The following GULP1 variants were observed in gnomAD, a reference collection of about 807,000 sequenced individuals.
The protein encoded by GULP1 is PTB domain-containing engulfment adapter protein 1.
Under a neutral mutation model 40.9 loss-of-function variants are expected in GULP1, and 19 were observed. The observed-to-expected ratio is 0.46, with a 90% confidence interval of 0.32 to 0.68. The LOEUF is 0.68. Ranked by LOEUF, GULP1 falls within the 30% of genes least tolerant of loss-of-function variation. The probability of loss-of-function intolerance (pLI) is 0.03; values close to 1 mark genes in which losing one functional copy is unlikely to be tolerated. For synonymous variants in GULP1, 119 were observed against 117.6 expected, an observed-to-expected ratio of 1.01 and a Z score of -0.08; for missense variants, 312 against 362.2, an observed-to-expected ratio of 0.86 and a Z score of 1.12.
intron 4 of GULP1, among the ~76,000 whole-genome samples, chr2:188,485,502 G>C (rs2061787326): frequency 6.6e-6 from 1 of 151,740 alleles, no homozygotes; most frequent in Non-Finnish European, 1.5e-5. Flanking sequence ...CACTTATTAG[G>C]ATGACCTCAT....
intron 4 of GULP1, among the ~76,000 whole-genome samples, chr2:188,515,915 G>A (rs2065125737): frequency 6.6e-6 from 1 of 152,040 alleles, no homozygotes; most frequent in Admixed American, 6.6e-5. Context: ...AATAATCTAT[G>A]TCCATTTAAA....
At chr2:188,555,983 G>A (rs1465910079) in intron 7 of GULP1, among the ~76,000 whole-genome samples, 8 of 151,642 alleles carry the variant, frequency 5.3e-5, no homozygotes, top group South Asian at 4.1e-4. Flanking sequence ...GCTTGAACCC[G>A]GGAGACAGAG....
intron 2 of GULP1, among the ~76,000 whole-genome samples, chr2:188,460,012 T>G (rs933797846): frequency 1.4e-4 from 21 of 152,322 alleles, no homozygotes; most frequent in Admixed American, 2.6e-4. Flanking sequence ...GTGTCTGTTT[T>G]TATGACAGTA....
At chr2:188,372,409 G>A (rs540122056) in intron 1 of GULP1, among the ~76,000 whole-genome samples, 1 of 151,982 alleles carries the variant, frequency 6.6e-6, no homozygotes, top group South Asian at 2.1e-4. Context: ...AAATGTCTGC[G>A]AAAGTTTACA....
intron 2 of GULP1, among the ~76,000 whole-genome samples, chr2:188,471,173 C>G (rs1425745944): frequency 2.0e-5 from 3 of 152,090 alleles, no homozygotes; most frequent in African/African-American, 7.2e-5. Context: ...TATAGCTACT[C>G]CTACTCTTTT....
intron 1 of GULP1, among the ~76,000 whole-genome samples, chr2:188,301,802 G>C (rs769842734): frequency 1.3e-5 from 2 of 152,166 alleles, no homozygotes; most frequent in Non-Finnish European, 2.9e-5. Flanking sequence ...TGGAATACAT[G>C]CTTCTTCAAA....
At chr2:188,462,328 GT>G (rs1158641543) in intron 2 of GULP1, among the ~76,000 whole-genome samples, 6 of 152,114 alleles carry the variant, frequency 3.9e-5, no homozygotes, top group Non-Finnish European at 7.3e-5. Flanking sequence ...TTTAAAACTT[GT>G]TTTGTGACCT....
At chr2:188,431,899 T>G (rs905175196) in intron 2 of GULP1, among the ~76,000 whole-genome samples, 1 of 151,912 alleles carries the variant, frequency 6.6e-6, no homozygotes, top group African/African-American at 2.4e-5. Context: ...TTTCATTTGT[T>G]TCATAAATAA....
At chr2:188,573,206 A>G (rs1699455441) in intron 9 of GULP1, among the ~76,000 whole-genome samples, 1 of 152,194 alleles carries the variant, frequency 6.6e-6, no homozygotes. Flanking sequence ...CTATTAAAAA[A>G]CATTTTTGCC....
At chr2:188,352,618 T>TCTCACACACACACACACACACA (rs578003996) in intron 1 of GULP1, among the ~76,000 whole-genome samples, 131 of 134,494 alleles carry the variant, frequency 9.7e-4, no homozygotes, top group African/African-American at 3.2e-3. Context: ...TCTCTCTCTC[T>TCTCACACACACACACACACACA]CACACACACA....
At chr2:188,296,998 A>C (rs2035098061) in intron 1 of GULP1, among the ~76,000 whole-genome samples, 1 of 151,670 alleles carries the variant, frequency 6.6e-6, no homozygotes, top group African/African-American at 2.4e-5. Context: ...GTGCATACTT[A>C]TGATACATAT....
At chr2:188,581,729 G>C (rs1312754073) in intron 9 of GULP1, among the ~76,000 whole-genome samples, 1 of 151,980 alleles carries the variant, frequency 6.6e-6, no homozygotes, top group Non-Finnish European at 1.5e-5. Flanking sequence ...CTATAGAAAG[G>C]GCATGATGAC....
Position 188,309,978 on chromosome 2 carries a change from A to G in GULP1, c.-172+17812A>G, listed in dbSNP as rs566774429. 1.7e-3 allele frequency among the ~76,000 whole-genome samples: 257 copies of G among 152,314 alleles called. 2 individuals are homozygous for G. The highest frequency in any genetic ancestry group is 5.0e-3 in the Admixed American group (76 of 15,292). On this transcript the variant is annotated intron_variant, in intron 1 of 11. Transcript: ENST00000409830. ...GTACTTCCTTTGAAGTCTTAAATTC[A>G]TTAGAATCTGGCCTTCTGCTTCATA...
intron 4 of GULP1, among the ~76,000 whole-genome samples, chr2:188,516,289 T>G (rs2065163943): frequency 6.6e-6 from 1 of 152,204 alleles, no homozygotes; most frequent in East Asian, 1.9e-4. Flanking sequence ...AAATTATCAT[T>G]TCCCTCAGAA....
chr2:188,416,347 G>A (rs1212912088), intron 2 of GULP1, among the ~76,000 whole-genome samples: 2 of 152,080 alleles, frequency 1.3e-5, no homozygotes, highest in South Asian at 4.1e-4. Context: ...GACTTTGTAA[G>A]TATTCTAAAA....
chr2:188,522,385 T>C (rs2065875395), intron 4 of GULP1, among the ~76,000 whole-genome samples: 2 of 152,050 alleles, frequency 1.3e-5, no homozygotes, highest in African/African-American at 4.8e-5. Flanking sequence ...CAAAATACAA[T>C]TACATGCTTT....
intron 1 of GULP1, among the ~76,000 whole-genome samples, chr2:188,307,366 GT>G (rs1341821175): frequency 6.6e-6 from 1 of 151,638 alleles, no homozygotes; most frequent in Non-Finnish European, 1.5e-5. Context: ...AAAGTTATAT[GT>G]TTTCAGAAGA....
Position 188,554,296 on chromosome 2 carries a change from G to A in GULP1, c.399+12978G>A, listed in dbSNP as rs189097641. On this transcript the variant is annotated intron_variant, in intron 7 of 11. Transcript: ENST00000409830. The stretch of plus-strand genomic sequence containing the variant: ...GATACAGGAATTTATTGCTATAAAC[G>A]TTCCTCTTAGCACTGCTTTTACTGT... Among the ~76,000 whole-genome samples the A allele has an allele frequency of 9.2e-5, 14 of 151,790 alleles. 1 individual carries two copies. In the East Asian group the frequency reaches 1.9e-3, roughly 21 times the overall value.
chr2:188,323,675 TGTGTGTG>T (rs2040346172), intron 1 of GULP1, among the ~76,000 whole-genome samples: 1 of 109,630 alleles, frequency 9.1e-6, no homozygotes, highest in East Asian at 2.2e-4. Context: ...TGTGTGTGTG[TGTGTGTG>T]TGTGTGTATG....
Sources: allele counts gnomAD v4.1 joint callset (sites outside exome capture counted in the v4.1 genomes callset), GRCh38; gene constraint gnomAD v4.1.1; transcripts MANE v1.5; gene names NCBI Gene and HGNC (gene_info 2026-07-23, HGNC 2026-07-21).